The following EEA1 variants were observed in gnomAD, a reference collection of about 807,000 sequenced individuals.
The protein encoded by EEA1 is early endosome antigen 1, 162kD.
Under a neutral mutation model 209.2 loss-of-function variants are expected in EEA1, and 111 were observed. The observed-to-expected ratio is 0.53, with a 90% CI of 0.45 to 0.62. The LOEUF (loss-of-function observed/expected upper bound fraction) is 0.62. EEA1 is among the 20% of genes least tolerant of loss of function. EEA1 has a pLI of 0.00. For missense variants in EEA1, 1,343 were observed against 1,530.8 expected, an observed-to-expected ratio of 0.88 and a Z score of 2.05; for synonymous variants, 536 against 540.6, an observed-to-expected ratio of 0.99 and a Z score of 0.12.
intron 18 of EEA1, among the ~76,000 whole-genome samples, chr12:92,808,199 T>C (rs1875306969): frequency 6.6e-6 from 1 of 152,106 alleles, no homozygotes. Context: ...ACATAGACTG[T>C]GGTTGTCTAC....
intron 2 of EEA1, among the ~76,000 whole-genome samples, chr12:92,868,111 A>G (rs1878480652): frequency 6.6e-6 from 1 of 152,234 alleles, no homozygotes; most frequent in South Asian, 2.1e-4. Flanking sequence ...AACTCCTGAA[A>G]TGAGCAAACG....
intron 1 of EEA1, among the ~76,000 whole-genome samples, chr12:92,898,696 G>T: frequency 8.1e-6 from 1 of 122,764 alleles, no homozygotes. Flanking sequence ...CATTACTTGT[G>T]TAACTATGTC....
At chr12:92,820,059 T>G (rs1367657201) in intron 13 of EEA1, among the ~76,000 whole-genome samples, 1 of 152,140 alleles carries the variant, frequency 6.6e-6, no homozygotes, top group Admixed American at 6.5e-5. Flanking sequence ...ACTAAATAAT[T>G]TGCTTACATT....
intron 2 of EEA1, chr12:92,879,287 T>C (rs1879039142): frequency 2.3e-6 from 1 of 434,204 alleles, no homozygotes. Context: ...AAATCTGAAA[T>C]GAACATCATT....
intron 1 of EEA1, among the ~76,000 whole-genome samples, chr12:92,906,578 C>T (rs920290728): frequency 6.6e-6 from 1 of 152,074 alleles, no homozygotes; most frequent in Non-Finnish European, 1.5e-5. Flanking sequence ...TCTGGGAGGC[C>T]GAGGCGGGCG....
chr12:92,884,602 C>G, intron 2 of EEA1: 2 of 1,436,836 alleles, frequency 1.4e-6, no homozygotes, highest in South Asian at 2.3e-5. Context: ...GAAGCCCTGG[C>G]CCCTATGGTG....
At chr12:92,917,910 C>A (rs1454499759) in intron 1 of EEA1, among the ~76,000 whole-genome samples, 1 of 41,912 alleles carries the variant, frequency 2.4e-5, no homozygotes, top group Middle Eastern at 4.9e-3. Flanking sequence ...ATCTACCAAG[C>A]AAATGGAAAA....
At chr12:92,782,510 G>T (rs540537779) in intron 22 of EEA1, among the ~76,000 whole-genome samples, 1 of 152,262 alleles carries the variant, frequency 6.6e-6, no homozygotes, top group African/African-American at 2.4e-5. Flanking sequence ...TATGGTTAAA[G>T]TCATAAGGCA....
intron 18 of EEA1, among the ~76,000 whole-genome samples, chr12:92,806,341 A>G (rs1399672967): frequency 6.6e-6 from 1 of 152,204 alleles, no homozygotes; most frequent in African/African-American, 2.4e-5. Flanking sequence ...ACAGACCTTA[A>G]AAGTGTAATA....
chr12:92,813,561 A>C (rs958375617), intron 15 of EEA1, among the ~76,000 whole-genome samples: 3 of 152,226 alleles, frequency 2.0e-5, no homozygotes, highest in African/African-American at 7.2e-5. Context: ...ATAACTTCTC[A>C]CTTAAAGGGT....
chr12:92,903,966 A>AT lies in EEA1; in HGVS notation c.25-12246dup, dbSNP rs1287652690. ...TCATATTACTTTTTAAAGTTTTCTGATTTTTTTTTTTTTGAGACGGAGTTT... is the reference window on the plus strand; with the variant it reads ...TCATATTACTTTTTAAAGTTTTCTGATTTTTTTTTTTTTTGAGACGGAGTTT... On this transcript the variant is annotated intron_variant, in intron 1 of 28. Transcript: ENST00000322349. Among the ~76,000 whole-genome samples the AT allele has an allele frequency of 3.4e-3, 488 of 144,048 alleles. 7 individuals carry two copies. Among genetic ancestry groups the AT allele is most frequent in the Middle Eastern group, 0.014 (4 of 282 alleles). 94.5% of individuals were successfully genotyped at this position (144,048 alleles called of 152,430 possible).
At chr12:92,922,046 T>C (rs1472849602) in intron 1 of EEA1, among the ~76,000 whole-genome samples, 1 of 152,106 alleles carries the variant, frequency 6.6e-6, no homozygotes, top group African/African-American at 2.4e-5. Context: ...GAAACTGAAA[T>C]AGGTATGACC....
chr12:92,877,861 G>C (rs1444882873), intron 2 of EEA1, among the ~76,000 whole-genome samples: 1 of 152,202 alleles, frequency 6.6e-6, no homozygotes, highest in Non-Finnish European at 1.5e-5. Context: ...TATAGACCAT[G>C]ATAAGATATA....
At chr12:92,869,140 TAA>T (rs1443758068) in intron 2 of EEA1, among the ~76,000 whole-genome samples, 5 of 152,188 alleles carry the variant, frequency 3.3e-5, no homozygotes, top group Non-Finnish European at 5.9e-5. Context: ...CAATTTGATA[TAA>T]GAGACTCCTC....
At chr12:92,812,887 T>G in intron 16 of EEA1, 93 bp downstream of exon 16, 1 of 819,316 alleles carries the variant, frequency 1.2e-6, no homozygotes, top group South Asian at 2.8e-5. Context: ...TATCACAAGA[T>G]TATACAAAAC....
intron 1 of EEA1, among the ~76,000 whole-genome samples, chr12:92,924,982 T>C (rs540948466): frequency 6.6e-6 from 1 of 151,782 alleles, no homozygotes; most frequent in Non-Finnish European, 1.5e-5. Context: ...CTTCCCAACA[T>C]CTAAAACCAG....
chr12:92,887,845 A>C (rs998349995), intron 2 of EEA1, among the ~76,000 whole-genome samples: 11 of 152,168 alleles, frequency 7.2e-5, no homozygotes, highest in African/African-American at 2.7e-4. Context: ...ATATCAGAAA[A>C]AAATTGAGGC....
At chr12:92,862,206 C>A (rs1448373251) in intron 3 of EEA1, among the ~76,000 whole-genome samples, 1 of 127,828 alleles carries the variant, frequency 7.8e-6, no homozygotes, top group Non-Finnish European at 1.6e-5. Context: ...AGATACAATA[C>A]AATAAAAACG....
intron 1 of EEA1, among the ~76,000 whole-genome samples, chr12:92,898,006 C>T (rs1211458027): frequency 1.3e-5 from 2 of 152,056 alleles, no homozygotes; most frequent in African/African-American, 2.4e-5. Context: ...CGTTTTATTG[C>T]GATACTTGTT....
Sources: allele counts gnomAD v4.1 joint callset (sites outside exome capture counted in the v4.1 genomes callset), GRCh38; gene constraint gnomAD v4.1.1; transcripts MANE v1.5; gene names NCBI Gene and HGNC (gene_info 2026-07-23, HGNC 2026-07-21).